The following KCNAB1 variants were observed in gnomAD, a reference collection of about 807,000 sequenced individuals.
The protein encoded by KCNAB1 is voltage-gated potassium channel subunit beta-1.
In KCNAB1, 35 loss-of-function variants were observed where a neutral mutation model predicts 64.6. That is an observed-to-expected ratio of 0.54 (90% CI 0.41 to 0.72). The LOEUF (loss-of-function observed/expected upper bound fraction) is 0.72, where lower values mean the gene tolerates loss of function less well. Ranked by LOEUF, KCNAB1 falls within the 30% of genes least tolerant of loss-of-function variation. KCNAB1 has a pLI of 0.00. For synonymous variants in KCNAB1, 177 were observed against 183.8 expected (o/e 0.96, Z 0.30); for missense variants, 401 against 512.9 (o/e 0.78, Z 2.11).
chr3:156,268,636 C>T (rs1328576165), intron 1 of KCNAB1, among the ~76,000 whole-genome samples: 1 of 152,076 alleles, frequency 6.6e-6, no homozygotes, highest in Admixed American at 6.5e-5. Flanking sequence ...TGTAGAGCAC[C>T]TTTTCATATA....
At chr3:156,356,443 G>A (rs192656787) in intron 1 of KCNAB1, among the ~76,000 whole-genome samples, 2 of 151,980 alleles carry the variant, frequency 1.3e-5, no homozygotes, top group East Asian at 3.9e-4. Context: ...CCTCTACGGG[G>A]GCAGGGATCA....
At chr3:156,352,643 C>A (rs975236845) in intron 1 of KCNAB1, among the ~76,000 whole-genome samples, 13 of 152,312 alleles carry the variant, frequency 8.5e-5, no homozygotes, top group African/African-American at 3.1e-4. Context: ...CCAAAGTCTC[C>A]CTGTGACATC....
At chr3:156,375,401 G>A (rs138729431) in intron 1 of KCNAB1, among the ~76,000 whole-genome samples, 2 of 135,206 alleles carry the variant, frequency 1.5e-5, no homozygotes, top group South Asian at 2.2e-4. Flanking sequence ...TTGATGCTCC[G>A]AGAAGTTTAA....
intron 1 of KCNAB1, among the ~76,000 whole-genome samples, chr3:156,295,146 G>A (rs953828509): frequency 6.6e-6 from 1 of 151,800 alleles, no homozygotes; most frequent in African/African-American, 2.4e-5. Flanking sequence ...TTTTTTGGAG[G>A]GGTGATAGTC....
intron 1 of KCNAB1, among the ~76,000 whole-genome samples, chr3:156,153,386 T>G (rs1715530993): frequency 6.6e-6 from 1 of 152,230 alleles, no homozygotes; most frequent in Non-Finnish European, 1.5e-5. Context: ...GTATGTTTGT[T>G]TCTTCTGAGA....
At chr3:156,317,389 A>G (rs1412511597) in intron 1 of KCNAB1, among the ~76,000 whole-genome samples, 1 of 152,198 alleles carries the variant, frequency 6.6e-6, no homozygotes, top group Non-Finnish European at 1.5e-5. Context: ...AACTTGGCTT[A>G]CTATATCTCA....
rs1345160318 is a variant in KCNAB1, at chr3:156,538,400, C to A, written c.*1653C>A. On this transcript the variant is annotated 3_prime_UTR_variant, in exon 14 of 14. Coordinates refer to ENST00000490337, the MANE Select transcript of KCNAB1 (RefSeq NM_172160.3). ...TATCAAGAAATTTTCTTTTTGATTA[C>A]TAGTACCTGTATTCTAACAGAGAGT... 4 of 152,146 alleles carry A rather than the reference C, an allele frequency of 2.6e-5. No homozygotes were observed. The East Asian group carries it at 7.7e-4, about 29-fold the overall frequency. The allele number at this position is 152,146 out of a possible 1,614,324, so 9.4% of individuals were successfully genotyped here. A position where few individuals can be genotyped will look rare whatever the true frequency, so the allele number is the denominator to read the frequency against.
At chr3:156,438,763 C>G (rs140811816) in intron 2 of KCNAB1, among the ~76,000 whole-genome samples, 1 of 152,080 alleles carries the variant, frequency 6.6e-6, no homozygotes, top group African/African-American at 2.4e-5. Context: ...CACCTGTAAT[C>G]CCAGCACTTT....
intron 7 of KCNAB1, among the ~76,000 whole-genome samples, chr3:156,466,746 G>C (rs1230009857): frequency 6.6e-6 from 1 of 151,926 alleles, no homozygotes; most frequent in Non-Finnish European, 1.5e-5. Context: ...GTATAATTTA[G>C]AAATAAACAG....
chr3:156,247,882 T>G (rs184300385), intron 1 of KCNAB1, among the ~76,000 whole-genome samples: 153 of 152,292 alleles, frequency 1.0e-3, no homozygotes, highest in South Asian at 4.1e-3. Context: ...GTCTTTTTTT[T>G]TGTGTCACCA....
chr3:156,426,039 G>A (rs1219556665), intron 2 of KCNAB1, among the ~76,000 whole-genome samples: 1 of 152,162 alleles, frequency 6.6e-6, no homozygotes, highest in South Asian at 2.1e-4. Context: ...AGAATATTAT[G>A]AGTACAAGGT....
chr3:156,119,975 T>G (rs1713243484), upstream of KCNAB1, among the ~76,000 whole-genome samples: 1 of 152,186 alleles, frequency 6.6e-6, no homozygotes, highest in Admixed American at 6.5e-5. Flanking sequence ...GGAGGGGCAG[T>G]TACTGAATCG....
At chr3:156,229,075 T>C (rs945798698) in intron 1 of KCNAB1, among the ~76,000 whole-genome samples, 7 of 152,170 alleles carry the variant, frequency 4.6e-5, no homozygotes, top group Admixed American at 4.6e-4. Context: ...GAACACAGTC[T>C]TTTTGAGGGA....
chr3:156,314,918 G>A (rs1230164518), intron 1 of KCNAB1, among the ~76,000 whole-genome samples: 1 of 152,160 alleles, frequency 6.6e-6, no homozygotes, highest in Non-Finnish European at 1.5e-5. Context: ...GGAGGCTGAG[G>A]CAGAAGAATT....
chr3:156,344,133 T>TTTTTA (rs1335274452), intron 1 of KCNAB1, among the ~76,000 whole-genome samples: 7 of 152,156 alleles, frequency 4.6e-5, no homozygotes, highest in Non-Finnish European at 7.3e-5. Flanking sequence ...CCACAATGTC[T>TTTTTA]TTTTATCAGG....
At position 156,505,571 on chromosome 3, in the gene KCNAB1, A is replaced by G. The variant is rs574463684; in HGVS notation, c.659-8793A>G. 1.1e-3 allele frequency among the ~76,000 whole-genome samples: 172 copies of G among 152,174 alleles called. 1 individual carries two copies. The highest frequency in any genetic ancestry group is 2.0e-3 in the Non-Finnish European group (133 of 68,006). ...TCCTATTTTTTGTGTGTTCTCTTCA[A>G]TTTCTTTCATCAGTTTCATAATTTT... On this transcript the variant is annotated intron_variant, in intron 8 of 13. Coordinates refer to ENST00000490337, the MANE Select transcript of KCNAB1 (RefSeq NM_172160.3).
chr3:156,305,717 G>A (rs1721452524), intron 1 of KCNAB1, among the ~76,000 whole-genome samples: 2 of 152,158 alleles, frequency 1.3e-5, no homozygotes, highest in Admixed American at 6.5e-5. Flanking sequence ...AATTTGCATA[G>A]GTTACAAAAG....
rs371264941 is a variant in KCNAB1 at position 156,218,801 on chromosome 3, A to AAAAAAAT, written c.275+97917_275+97918insAAAATAA. On this transcript the variant is annotated intron_variant, in intron 1 of 13. Transcript: ENST00000490337. ...CCCAGAACAGCAAAAAAAAAAAAAA[A>AAAAAAAT]AATAATAATAAAATAAAATAAAAAT... is the stretch of plus-strand genomic sequence containing the variant. 5.8e-3 allele frequency among the ~76,000 whole-genome samples: 651 copies of AAAAAAAT among 112,128 alleles called. 5 individuals are homozygous for AAAAAAAT. The highest frequency in any genetic ancestry group is 8.3e-3 in the Non-Finnish European group (476 of 57,186). 73.6% of individuals were successfully genotyped at this position (112,128 alleles called of 152,430 possible). A position where few individuals can be genotyped will look rare whatever the true frequency, so the allele number is the denominator to read the frequency against.
chr3:156,182,620 GT>G (rs11306363), intron 1 of KCNAB1, among the ~76,000 whole-genome samples: 79,646 of 142,622 alleles, frequency 0.56, 22,343 homozygotes, highest in East Asian at 0.85. Flanking sequence ...TCCAGGGTTG[GT>G]TTTTTTTTCC....
Sources: allele counts gnomAD v4.1 joint callset (sites outside exome capture counted in the v4.1 genomes callset), GRCh38; gene constraint gnomAD v4.1.1; transcripts MANE v1.5; gene names NCBI Gene and HGNC (gene_info 2026-07-23, HGNC 2026-07-21).